The following SETBP1 variants were observed in gnomAD, a reference collection of about 807,000 sequenced individuals.
The protein encoded by SETBP1 is SET binding protein 1, also known as SET-binding protein.
In SETBP1, 9 loss-of-function variants were observed where a neutral mutation model predicts 101.0. The observed-to-expected ratio is 0.09, with a 90% CI of 0.05 to 0.16. The LOEUF is 0.16. Among genes scored for constraint, SETBP1 ranks in the 10% least tolerant of loss-of-function variants. SETBP1 has a pLI of 1.00. For missense variants in SETBP1, 1,858 were observed against 2,033.8 expected, an observed-to-expected ratio of 0.91 and a Z score of 1.66; for synonymous variants, 818 against 788.5, an observed-to-expected ratio of 1.04 and a Z score of -0.63.
intron 4 of SETBP1, among the ~76,000 whole-genome samples, chr18:45,016,706 T>C (rs1309851190): frequency 6.6e-6 from 1 of 151,784 alleles, no homozygotes; most frequent in Non-Finnish European, 1.5e-5. Context: ...CTCTGGGCAC[T>C]GTGAGATTAT....
intron 5 of SETBP1, among the ~76,000 whole-genome samples, chr18:45,048,441 GTGA>G (rs1414114124): frequency 6.6e-6 from 1 of 152,158 alleles, no homozygotes; most frequent in Non-Finnish European, 1.5e-5. Flanking sequence ...ATTTAGCCAT[GTGA>G]TGACTTAGAT....
intron 2 of SETBP1, among the ~76,000 whole-genome samples, chr18:44,845,337 C>A (rs1477097417): frequency 6.6e-6 from 1 of 152,164 alleles, no homozygotes; most frequent in African/African-American, 2.4e-5. Flanking sequence ...TTTCCCTCGG[C>A]CCCTTTGGAA....
At chr18:44,925,793 GT>G (rs2070692842) in intron 3 of SETBP1, among the ~76,000 whole-genome samples, 1 of 152,134 alleles carries the variant, frequency 6.6e-6, no homozygotes, top group Admixed American at 6.5e-5. Context: ...TTTCCAAAAT[GT>G]TTTCACATCC....
At chr18:44,803,813 A>G (rs1428422192) in intron 2 of SETBP1, among the ~76,000 whole-genome samples, 3 of 152,170 alleles carry the variant, frequency 2.0e-5, no homozygotes, top group Admixed American at 2.0e-4. Flanking sequence ...TCTTTAAAAG[A>G]AACTTTTTCC....
At chr18:44,893,863 G>A (rs1171228528) in intron 3 of SETBP1, among the ~76,000 whole-genome samples, 1 of 152,026 alleles carries the variant, frequency 6.6e-6, no homozygotes, top group Non-Finnish European at 1.5e-5. Flanking sequence ...GATGAAAAGT[G>A]TATCTCTTAT....
rs375682777 is a variant in SETBP1 at position 44,961,189 on chromosome 18, GC to G, written c.4000+7850del. Among the ~76,000 whole-genome samples the G allele has an allele frequency of 6.4e-4, 98 of 152,324 alleles. 1 individual carries two copies. Among genetic ancestry groups the G allele is most frequent in the Middle Eastern group, 6.8e-3 (2 of 294 alleles). On this transcript the variant is annotated intron_variant, in intron 4 of 5. Transcript: ENST00000649279. ...CACCTTAAACACAGAGGCAGAGGAA[GC>G]AGGGACCAGGAAGGATGCAGAGAAG...
intron 3 of SETBP1, among the ~76,000 whole-genome samples, chr18:44,912,268 T>G (rs777399100): frequency 6.6e-6 from 1 of 152,176 alleles, no homozygotes; most frequent in South Asian, 2.1e-4. Flanking sequence ...GATAGCTCAA[T>G]TGATGTTTGT....
chr18:44,928,067 C>T (rs2070744149), intron 3 of SETBP1, among the ~76,000 whole-genome samples: 1 of 152,094 alleles, frequency 6.6e-6, no homozygotes, highest in Non-Finnish European at 1.5e-5. Flanking sequence ...TCTCCTAGTG[C>T]TATCCCTCAC....
At chr18:44,914,519 G>A (rs945705863) in intron 3 of SETBP1, among the ~76,000 whole-genome samples, 9 of 152,180 alleles carry the variant, frequency 5.9e-5, no homozygotes, top group East Asian at 1.9e-4. Flanking sequence ...GGAAGTAAAC[G>A]AATGGATTTG....
At chr18:44,958,458 T>A (rs1238875763) in intron 4 of SETBP1, among the ~76,000 whole-genome samples, 1 of 152,198 alleles carries the variant, frequency 6.6e-6, no homozygotes, top group Non-Finnish European at 1.5e-5. Flanking sequence ...TGAACATTTT[T>A]ATGGGAACAG....
At chr18:44,919,590 C>T (rs1318049473) in intron 3 of SETBP1, among the ~76,000 whole-genome samples, 1 of 151,980 alleles carries the variant, frequency 6.6e-6, no homozygotes, top group Non-Finnish European at 1.5e-5. Context: ...CCTCGTGATC[C>T]ACCTGCCTCA....
chr18:44,981,456 C>A (rs1448458762), intron 4 of SETBP1, among the ~76,000 whole-genome samples: 2 of 152,222 alleles, frequency 1.3e-5, no homozygotes, highest in African/African-American at 4.8e-5. Flanking sequence ...CACCAGCAAA[C>A]CTGCTTATTT....
At chr18:44,760,402 G>T (rs2070611520) in intron 2 of SETBP1, among the ~76,000 whole-genome samples, 1 of 152,184 alleles carries the variant, frequency 6.6e-6, no homozygotes, top group Admixed American at 6.5e-5. Context: ...GCCCAGTTCT[G>T]CCTTGGTTAC....
chr18:44,794,428 A>C (rs2071431384), intron 2 of SETBP1, among the ~76,000 whole-genome samples: 1 of 152,184 alleles, frequency 6.6e-6, no homozygotes, highest in Non-Finnish European at 1.5e-5. Flanking sequence ...CTGGAGTCGG[A>C]AAGAGCAGAG....
At chr18:45,050,849 A>G (rs1161870017) in intron 5 of SETBP1, among the ~76,000 whole-genome samples, 1 of 152,218 alleles carries the variant, frequency 6.6e-6, no homozygotes, top group Non-Finnish European at 1.5e-5. Flanking sequence ...TAGTTTTGTT[A>G]CTCAAAAATT....
intron 3 of SETBP1, among the ~76,000 whole-genome samples, chr18:44,928,810 T>C (rs1230367741): frequency 2.0e-5 from 3 of 152,230 alleles, no homozygotes; most frequent in South Asian, 2.1e-4. Flanking sequence ...GTTTAAGTTC[T>C]TTGTAGATTC....
At chr18:44,985,524 A>C (rs1197099137) in intron 4 of SETBP1, among the ~76,000 whole-genome samples, 1 of 152,226 alleles carries the variant, frequency 6.6e-6, no homozygotes, top group Non-Finnish European at 1.5e-5. Context: ...GGAATCAACC[A>C]AGGAGCACAG....
intron 4 of SETBP1, among the ~76,000 whole-genome samples, chr18:45,011,871 C>G (rs1310814565): frequency 6.6e-6 from 1 of 152,150 alleles, no homozygotes; most frequent in Non-Finnish European, 1.5e-5. Context: ...ATAGAAAATG[C>G]CCAACTCATA....
At chr18:44,784,711 A>G (rs1428259189) in intron 2 of SETBP1, among the ~76,000 whole-genome samples, 1 of 152,212 alleles carries the variant, frequency 6.6e-6, no homozygotes, top group Non-Finnish European at 1.5e-5. Context: ...AGTGCTTTGC[A>G]CATAGTAGGA....
Sources: gnomAD v4.1 joint callset for allele counts (sites outside exome capture counted in the v4.1 genomes callset) on GRCh38, gnomAD v4.1.1 for gene constraint, MANE v1.5 for transcripts, NCBI Gene and HGNC (gene_info 2026-07-23, HGNC 2026-07-21) for gene names.